Variants in ARHGEF7 observed in about 807,000 individuals in gnomAD.
ARHGEF7 encodes Rho guanine nucleotide exchange factor 7.
ARHGEF7 carries 33 observed loss-of-function variants against 109.8 expected under a neutral mutation model. The ratio of observed to expected loss-of-function variants is 0.30; its 90% confidence interval spans 0.23 to 0.40. ARHGEF7 has a LOEUF of 0.40. Among genes scored for constraint, ARHGEF7 ranks in the 10% least tolerant of loss-of-function variants. The pLI is 1.00. For synonymous variants in ARHGEF7, 458 were observed against 424.6 expected (o/e 1.08, Z -0.97); for missense variants, 938 against 1,098.5 (o/e 0.85, Z 2.07).
chr13:111,214,597 T>A (rs1190314847), intron 4 of ARHGEF7, among the ~76,000 whole-genome samples: 2 of 152,190 alleles, frequency 1.3e-5, no homozygotes, highest in African/African-American at 4.8e-5. Flanking sequence ...CGGGTCACGT[T>A]TCACCACACA....
At chr13:111,225,365 C>T (rs2085056215) in intron 5 of ARHGEF7, among the ~76,000 whole-genome samples, 1 of 152,140 alleles carries the variant, frequency 6.6e-6, no homozygotes, top group African/African-American at 2.4e-5. Context: ...AGGCCACCCA[C>T]TCCCACAGCC....
At chr13:111,231,321 C>T (rs79577453) in intron 5 of ARHGEF7, among the ~76,000 whole-genome samples, 1 of 152,202 alleles carries the variant, frequency 6.6e-6, no homozygotes, top group Non-Finnish European at 1.5e-5. Flanking sequence ...ATTGGTTTTC[C>T]TCCTTGTAGC....
chr13:111,135,591 CTGTT>C (rs1339535742), intron 1 of ARHGEF7, among the ~76,000 whole-genome samples: 2 of 152,196 alleles, frequency 1.3e-5, no homozygotes, highest in Non-Finnish European at 2.9e-5. Context: ...ATTTGGCTCT[CTGTT>C]TGTCTGTTAT....
intron 5 of ARHGEF7, among the ~76,000 whole-genome samples, chr13:111,221,559 C>A (rs368420279): frequency 6.6e-4 from 35 of 52,794 alleles, no homozygotes; most frequent in East Asian, 3.8e-3. Context: ...ATCTATATAT[C>A]TATATATATA....
At chr13:111,220,897 T>C (rs1176657484) in intron 5 of ARHGEF7, among the ~76,000 whole-genome samples, 2 of 151,706 alleles carry the variant, frequency 1.3e-5, no homozygotes, top group African/African-American at 4.9e-5. Context: ...ACGGAATCCA[T>C]AGGTGTATTA....
At chr13:111,231,157 A>G (rs529215203) in intron 5 of ARHGEF7, among the ~76,000 whole-genome samples, 2 of 152,306 alleles carry the variant, frequency 1.3e-5, no homozygotes, top group African/African-American at 4.8e-5. Context: ...CTCCCCTGCA[A>G]TGTTGTTTTC....
intron 2 of ARHGEF7, chr13:111,187,026 T>C (rs1566749318): frequency 1.0e-6 from 1 of 985,748 alleles, no homozygotes; most frequent in Non-Finnish European, 1.2e-6. Flanking sequence ...GTTGCTGTGC[T>C]TGTTGGTGTG....
intron 4 of ARHGEF7, among the ~76,000 whole-genome samples, chr13:111,215,559 A>T (rs908455853): frequency 6.6e-6 from 1 of 152,084 alleles, no homozygotes; most frequent in African/African-American, 2.4e-5. Context: ...GAGGCGAATA[A>T]TATTTGGAGC....
intron 1 of ARHGEF7, among the ~76,000 whole-genome samples, chr13:111,123,862 G>GGGGCCCCCCCCCCC: frequency 9.1e-6 from 1 of 110,144 alleles, no homozygotes; most frequent in African/African-American, 3.2e-5. Context: ...GGTGGGCTGC[G>GGGGCCCCCCCCCCC]CCCCCCCCCC....
rs906323001 is a variant in ARHGEF7, at chr13:111,131,899, G to A, written c.165+16208G>A. On this transcript the variant is annotated intron_variant, in intron 1 of 21. Transcript: ENST00000646102. The surrounding 1 kb of genome is among the most constrained non-coding windows in gnomAD (Gnocchi z 4.4). ...GGGGCTGGGAGGGAGCCTGGCAGTC[G>A]CAGAGGGGAGTGGAAATGTTGGAAT... is the stretch of plus-strand genomic sequence containing the variant. 1.3e-5 allele frequency among the ~76,000 whole-genome samples: 2 copies of A among 152,208 alleles called. No individual in the cohort carries two copies. The highest frequency in any genetic ancestry group is 2.9e-5 in the Non-Finnish European group (2 of 68,032).
chr13:111,222,724 C>T (rs932140857), intron 5 of ARHGEF7, among the ~76,000 whole-genome samples: 2 of 152,266 alleles, frequency 1.3e-5, no homozygotes, highest in African/African-American at 4.8e-5. Flanking sequence ...CCACCACGCC[C>T]AGCCCAGTCT....
At chr13:111,293,591 G>A (rs1241126715) in intron 19 of ARHGEF7, 4 of 985,208 alleles carry the variant, frequency 4.1e-6, no homozygotes, top group Admixed American at 1.2e-4. Flanking sequence ...ATTGCTTGAG[G>A]GGCCAAATTG....
chr13:111,197,965 T>C (rs1362742959), intron 2 of ARHGEF7, among the ~76,000 whole-genome samples: 1 of 152,136 alleles, frequency 6.6e-6, no homozygotes, highest in African/African-American at 2.4e-5. Flanking sequence ...GAGTCTCACT[T>C]GGGCGACATA....
At chr13:111,221,493 A>ATC (rs1555372650) in intron 5 of ARHGEF7, among the ~76,000 whole-genome samples, 7,207 of 43,476 alleles carry the variant, frequency 0.17, 1,758 homozygotes, top group Middle Eastern at 0.34. Context: ...ATATATAGAC[A>ATC]TATATATATC....
intron 19 of ARHGEF7, among the ~76,000 whole-genome samples, chr13:111,299,804 T>A (rs1285762633): frequency 1.3e-5 from 2 of 152,170 alleles, no homozygotes; most frequent in Non-Finnish European, 2.9e-5. Context: ...GGAAGCACTG[T>A]AGTTTCCATA....
chr13:111,285,400 CT>C (rs1458361269), intron 16 of ARHGEF7, among the ~76,000 whole-genome samples: 1 of 152,134 alleles, frequency 6.6e-6, no homozygotes, highest in Admixed American at 6.5e-5. Flanking sequence ...AGAAACCAGC[CT>C]TTTTTTGATA....
intron 1 of ARHGEF7, among the ~76,000 whole-genome samples, chr13:111,123,306 C>T (rs748915684): frequency 1.4e-4 from 22 of 152,220 alleles, no homozygotes; most frequent in Non-Finnish European, 3.1e-4. Flanking sequence ...CTCAGTTGTC[C>T]CTGCTAGGCC....
Position 111,283,381 on chromosome 13 carries a change from C to G in ARHGEF7, c.1950+18C>G. The G allele has an allele frequency of 6.5e-7, 1 of 1,538,050 alleles. No individual in the cohort carries two copies. On this transcript the variant is annotated intron_variant, in intron 16 of 21. Coordinates refer to ENST00000646102, the MANE Select transcript of ARHGEF7 (RefSeq NM_001354046.2). Reference sequence around the variant, plus strand: ...ACAAGGAGGTGAGGTCCCTTGACCACTCAAACAGCCAGATGACGGTGAGCA... The same window carrying G: ...ACAAGGAGGTGAGGTCCCTTGACCAGTCAAACAGCCAGATGACGGTGAGCA...
At chr13:111,270,998 G>C (rs1400040227) in intron 9 of ARHGEF7, among the ~76,000 whole-genome samples, 1 of 152,196 alleles carries the variant, frequency 6.6e-6, no homozygotes, top group Non-Finnish European at 1.5e-5. Context: ...CAGAGGGGCC[G>C]GCCATGCCAT....
Sources: gnomAD v4.1 joint callset for allele counts (sites outside exome capture counted in the v4.1 genomes callset) on GRCh38, gnomAD v4.1.1 for gene constraint, Gnocchi (gnomAD v3.1) non-coding constraint, MANE v1.5 for transcripts, NCBI Gene and HGNC (gene_info 2026-07-23, HGNC 2026-07-21) for gene names.